Variants in NCKAP1L observed in about 807,000 individuals in gnomAD.
The protein encoded by NCKAP1L is nck-associated protein 1-like.
A neutral mutation model predicts 139.2 loss-of-function variants in NCKAP1L; 53 were observed. The ratio of observed to expected loss-of-function variants is 0.38; its 90% CI spans 0.31 to 0.48. The LOEUF is 0.48. NCKAP1L is among the 20% of genes least tolerant of loss of function. NCKAP1L has a pLI of 0.98. For missense variants in NCKAP1L, 1,151 were observed against 1,381.9 expected (o/e 0.83, Z 2.65); for synonymous variants, 468 against 499.7 (o/e 0.94, Z 0.85).
Position 54,511,979 on chromosome 12 carries a change from A to C in NCKAP1L, c.815A>C (p.Asn272Thr). ...IGFLLCHGCL[N>T]SNSQCQKLWK... ...TTTCTTCTTTGTCATGGGTGCCTCAACTCCAATAGCCAGTGCCAGAAGCTG... is the reference window on the plus strand; with the variant it reads ...TTTCTTCTTTGTCATGGGTGCCTCACCTCCAATAGCCAGTGCCAGAAGCTG... The change falls in exon 9 of 31, where the codon AAC becomes ACC. Residue 272 changes from asparagine to threonine, a missense_variant. Asn to Thr is a moderately conservative substitution (Grantham distance 65). Transcript: ENST00000293373. The C allele has an allele frequency of 6.2e-7, 1 of 1,614,050 alleles. No homozygotes were observed. Among genetic ancestry groups the C allele is most frequent in the Non-Finnish European group, 8.5e-7 (1 of 1,180,006 alleles).
At chr12:54,528,535 G>C (rs534874246) in intron 22 of NCKAP1L, among the ~76,000 whole-genome samples, 158 bp downstream of exon 22, 1 of 152,222 alleles carries the variant, frequency 6.6e-6, no homozygotes, top group Admixed American at 6.5e-5. Flanking sequence ...CAACCTAATA[G>C]TGAAGGGTAA....
At chr12:54,517,105 T>A (rs975452910) in intron 11 of NCKAP1L, 113 bp downstream of exon 11, 8 of 828,180 alleles carry the variant, frequency 9.7e-6, no homozygotes, top group African/African-American at 1.7e-5. Context: ...CATTTGTATG[T>A]ATATATGCGA....
chr12:54,517,190 T>C (rs1956940431), intron 11 of NCKAP1L, among the ~76,000 whole-genome samples, 198 bp downstream of exon 11: 1 of 152,252 alleles, frequency 6.6e-6, no homozygotes, highest in African/African-American at 2.4e-5. Context: ...GTATGTGGTG[T>C]ATTAAGATTA....
chr12:54,542,456 AC>A lies in NCKAP1L; in HGVS notation c.3274-116del. On this transcript the variant is annotated intron_variant, in intron 30 of 30. Coordinates refer to ENST00000293373, the MANE Select transcript of NCKAP1L (RefSeq NM_005337.5). ...AGGGAAGAGGGGGGTGTGATTTGGA[AC>A]CCTGTTCACTTGTAACTCTCAGGGC... 4 of 748,438 alleles carry A rather than the reference AC, an allele frequency of 5.3e-6. No homozygotes were observed. The South Asian group carries it at 6.7e-5, about 12-fold the overall frequency. The allele number at this position is 748,438 out of a possible 1,614,324, so 46.4% of individuals were successfully genotyped here.
At chr12:54,511,698 C>T in intron 7 of NCKAP1L, 105 bp from the exon 8 acceptor site, 2 of 1,266,958 alleles carry the variant, frequency 1.6e-6, no homozygotes, top group Non-Finnish European at 2.2e-6. Context: ...TTAGCCACCA[C>T]CCCTTGCCAA....
intron 17 of NCKAP1L, 72 bp from the exon 18 acceptor site, chr12:54,521,047 A>G: frequency 6.3e-7 from 1 of 1,599,366 alleles, no homozygotes; most frequent in Non-Finnish European, 8.5e-7. Flanking sequence ...GCAAGGGATG[A>G]GAGCAGTATT....
chr12:54,500,796 A>G (rs1426969702), intron 3 of NCKAP1L, 171 bp downstream of exon 3: 2 of 560,720 alleles, frequency 3.6e-6, no homozygotes, highest in Non-Finnish European at 6.4e-6. Flanking sequence ...TCAAAATAGT[A>G]TATGATACAT....
rs113374416 is a variant in NCKAP1L, at chr12:54,509,705, G to A, written c.543G>A (p.Leu181=). The A allele has an allele frequency of 1.5e-4, 242 of 1,614,182 alleles. No homozygotes were observed. The African/African-American group carries it at 2.8e-3, about 19-fold the overall frequency. ...PSFARLGQMV[L]EYDHPLKKLT... ...TTGCCCGTCTGGGTCAGATGGTCTT[G>A]GAGTATGACCACCCTCTGAAGAAGC... Residue 181 remains leucine (L), a synonymous_variant, in exon 6 of 31, where the codon TTG becomes TTA. Transcript: ENST00000293373.
Position 54,500,554 on chromosome 12 carries a change from C to G in NCKAP1L, c.235C>G (p.Arg79Gly). ...TCAGCAACATTTAGGACCAGTACAT[C>G]GTGAAAAAGCCGAGATAATTAGATT... ...NSTQHLGPVH[R>G]EKAEIIRFLT... is the part of the protein sequence containing the mutation. The change falls in exon 3 of 31, where the codon CGT (arginine) becomes GGT (glycine). Residue 79 changes from arginine to glycine, a missense_variant. Coordinates refer to ENST00000293373, the MANE Select transcript of NCKAP1L (RefSeq NM_005337.5). 2 of 1,612,490 alleles carry G rather than the reference C, an allele frequency of 1.2e-6. No individual in the cohort carries two copies. The highest frequency in any genetic ancestry group is 1.7e-6 in the Non-Finnish European group (2 of 1,178,678).
chr12:54,518,588 G>A (rs760453107), intron 13 of NCKAP1L, 63 bp from the exon 14 acceptor site: 45 of 1,228,580 alleles, frequency 3.7e-5, no homozygotes, highest in Non-Finnish European at 5.1e-5. Flanking sequence ...TGAGCCTCAT[G>A]GTCCTAGTTT....
chr12:54,497,768 T>C lies in NCKAP1L; in HGVS notation c.-22T>C. On this transcript the variant is annotated 5_prime_UTR_variant, in exon 1 of 31. Transcript: ENST00000293373. ...GGGGAGATCAGACATTGCTGTCTGG[T>C]GCTCCTCTCTCAGTGGCCATCATGT... 2.7e-6 allele frequency: 4 copies of C among 1,496,890 alleles called. No individual in the cohort carries two copies. The highest frequency in any genetic ancestry group is 3.7e-6 in the Non-Finnish European group (4 of 1,073,604). 92.7% of individuals were successfully genotyped at this position (1,496,890 alleles called of 1,614,324 possible).
intron 20 of NCKAP1L, among the ~76,000 whole-genome samples, 163 bp downstream of exon 20, chr12:54,524,119 C>G (rs1342551644): frequency 1.3e-5 from 2 of 152,148 alleles, no homozygotes; most frequent in East Asian, 3.9e-4. Context: ...GCATAGGTCC[C>G]AAGCATCTCT....
intron 2 of NCKAP1L, 24 bp downstream of exon 2, chr12:54,499,489 T>C: frequency 1.6e-6 from 2 of 1,288,042 alleles, no homozygotes; most frequent in Non-Finnish European, 1.1e-6. Flanking sequence ...CCTTCTCTCC[T>C]TTCTCTGAAT....
At chr12:54,534,997 T>TAAA in intron 26 of NCKAP1L, 107 bp from the exon 27 acceptor site, 1 of 687,108 alleles carries the variant, frequency 1.5e-6, no homozygotes, top group Non-Finnish European at 2.3e-6. Context: ...AAAGCATCTT[T>TAAA]AAAAAAAAAA....
rs536209395 is a variant in NCKAP1L, at chr12:54,505,419, C to A, written c.307-2434C>A. ...CACCACTACAAAGTATTGAATATTTCCATCACCCCAAGGGTTCCTTGTGCC... is the reference window on the plus strand; with the variant it reads ...CACCACTACAAAGTATTGAATATTTACATCACCCCAAGGGTTCCTTGTGCC... On this transcript the variant is annotated intron_variant, in intron 3 of 30. Coordinates refer to ENST00000293373, the MANE Select transcript of NCKAP1L (RefSeq NM_005337.5). 3.4e-5 allele frequency among the ~76,000 whole-genome samples: 5 copies of A among 146,622 alleles called. No individual in the cohort carries two copies. In the South Asian group the frequency reaches 1.1e-3, roughly 32 times the overall value.
intron 1 of NCKAP1L, chr12:54,498,905 T>TTATTTTTA (rs1304306129): frequency 1.3e-5 from 4 of 305,438 alleles, no homozygotes; most frequent in African/African-American, 7.8e-5. Flanking sequence ...CTTATGCTTT[T>TTATTTTTA]TATTTTTATA....
chr12:54,543,909 A>G lies in NCKAP1L; in HGVS notation c.*1224A>G, dbSNP rs577626554. 6.6e-6 allele frequency: 1 copy of G among 152,336 alleles called. No homozygotes were observed. The highest frequency in any genetic ancestry group is 2.4e-5 in the African/African-American group (1 of 41,578). 9.4% of individuals were successfully genotyped at this position (152,336 alleles called of 1,614,324 possible). On this transcript the variant is annotated 3_prime_UTR_variant, in exon 31 of 31. Coordinates refer to ENST00000293373, the MANE Select transcript of NCKAP1L (RefSeq NM_005337.5). ...AATATAATTAGCTAGTTGGTTAATT[A>G]GGGTCATGTCCATACTTTCATGATG...
intron 4 of NCKAP1L, 137 bp downstream of exon 4, chr12:54,508,046 C>A: frequency 1.3e-6 from 1 of 768,236 alleles, no homozygotes; most frequent in South Asian, 1.6e-5. Context: ...CTTCTCAGGA[C>A]TACTATAATT....
chr12:54,510,210 T>C, intron 7 of NCKAP1L: 1 of 595,272 alleles, frequency 1.7e-6, no homozygotes, highest in Non-Finnish European at 2.9e-6. Flanking sequence ...CTATAAGCAG[T>C]TAGCCTGTCC....
Sources: allele counts gnomAD v4.1 joint callset (sites outside exome capture counted in the v4.1 genomes callset), GRCh38; gene constraint gnomAD v4.1.1; transcripts MANE v1.5; gene names NCBI Gene and HGNC (gene_info 2026-07-23, HGNC 2026-07-21).